GPR161: variants seen among roughly 807,000 people sequenced by gnomAD.
GPR161 encodes the protein G protein-coupled receptor 161.
Under a neutral mutation model 39.2 loss-of-function variants are expected in GPR161, and 25 were observed. That is an observed-to-expected ratio of 0.64 (90% CI 0.47 to 0.89). The LOEUF (loss-of-function observed/expected upper bound fraction) is 0.89. GPR161 is among the 40% of genes least tolerant of loss of function. The probability of loss-of-function intolerance (pLI) is 0.00; values close to 1 mark genes in which losing one functional copy is unlikely to be tolerated. For synonymous variants in GPR161, 286 were observed against 276.6 expected (o/e 1.03, Z -0.34); for missense variants, 547 against 677.8 (o/e 0.81, Z 2.14).
In GPR161 at chr1:168,085,759, T is replaced by C. The variant is rs2102089245; in HGVS notation, c.1362A>G (p.Glu454=). ...CGTAACTGTCCAAGGACTTGTGTAC[T>C]TCAGCTTTCACATGAAGAATCGAGT... is the stretch of plus-strand genomic sequence containing the variant. ...AKNSILHVKA[E]VHKSLDSYAA... is the part of the protein sequence containing the mutation. The change falls in exon 6 of 6, where the codon GAA becomes GAG. Residue 454 remains glutamate, a synonymous_variant. Coordinates refer to ENST00000682931, the MANE Select transcript of GPR161 (RefSeq NM_001375883.1). The C allele has an allele frequency of 6.2e-7, 1 of 1,613,820 alleles. No individual in the cohort carries two copies. Among genetic ancestry groups the C allele is most frequent in the East Asian group, 2.2e-5 (1 of 44,886 alleles).
chr1:168,137,240 C>T (rs1284561892), upstream of GPR161: 2 of 1,475,406 alleles, frequency 1.4e-6, no homozygotes, highest in South Asian at 1.4e-5. Context: ...CCCGTTCCTC[C>T]GCCCCAGTTC....
intron 1 of GPR161, chr1:168,135,058 T>C: frequency 6.7e-7 from 1 of 1,496,742 alleles, no homozygotes; most frequent in Non-Finnish European, 8.9e-7. Context: ...AGAGAACGGT[T>C]CGGATATCGT....
At chr1:168,095,645 C>A (rs2102133867) in intron 3 of GPR161, among the ~76,000 whole-genome samples, 1 of 152,206 alleles carries the variant, frequency 6.6e-6, no homozygotes, top group African/African-American at 2.4e-5. Context: ...TTGGCATGGA[C>A]ACCCCCGGAT....
At position 168,119,238 on chromosome 1, in the gene GPR161, A is replaced by ATG. The variant is rs1558129787; in HGVS notation, c.-44-14345_-44-14344insCA. ...TACATATATATATACGTATATATAT[A>ATG]TATACACATATATATATACGTATAT... On this transcript the variant is annotated intron_variant, in intron 1 of 5. Transcript: ENST00000682931. 4.3e-3 allele frequency among the ~76,000 whole-genome samples: 538 copies of ATG among 123,846 alleles called. 52 individuals are homozygous for ATG. The highest frequency in any genetic ancestry group is 0.016 in the African/African-American group (471 of 29,054). 81.2% of individuals were successfully genotyped at this position (123,846 alleles called of 152,430 possible).
rs1046662214 is a variant in GPR161, at chr1:168,122,614, T to C, written c.-45+14125A>G. The stretch of plus-strand genomic sequence containing the variant: ...CCAATCTCTTAATAAAAATTACCTT[T>C]GATTCTTTCTACTCCAACGCACTAG... On this transcript the variant is annotated intron_variant, in intron 1 of 5. Coordinates refer to ENST00000682931, the MANE Select transcript of GPR161 (RefSeq NM_001375883.1). Among the ~76,000 whole-genome samples, 5 of 152,306 alleles carry C rather than the reference T, an allele frequency of 3.3e-5. No homozygotes were observed. In the South Asian group the frequency reaches 8.3e-4, roughly 25 times the overall value.
At chr1:168,120,671 G>C (rs1344217787) in intron 1 of GPR161, among the ~76,000 whole-genome samples, 1 of 152,088 alleles carries the variant, frequency 6.6e-6, no homozygotes, top group East Asian at 1.9e-4. Flanking sequence ...GGACCTGGTG[G>C]GAGGCGATTG....
At position 168,104,802 on chromosome 1, in the gene GPR161, T is replaced by C. The variant is rs762212567; in HGVS notation, c.49A>G (p.Thr17Ala). Residue 17 changes from threonine (T) to alanine (A), a missense_variant, in exon 2 of 6, where the codon ACT becomes GCT. Physicochemically the swap from Thr to Ala is moderately conservative, Grantham distance 58. Coordinates refer to ENST00000682931, the MANE Select transcript of GPR161 (RefSeq NM_001375883.1). ...CCCCCTTCGCCACCCTCCTCCTCAG[T>C]GAGATTACTCAGCTCCTTCCTGCAG... is the stretch of plus-strand genomic sequence containing the variant. ...LSCRKELSNL[T>A]EEEGGEGGVI... The C allele has an allele frequency of 6.2e-7, 1 of 1,613,084 alleles. No homozygotes were observed. Among genetic ancestry groups the C allele is most frequent in the Non-Finnish European group, 8.5e-7 (1 of 1,179,250 alleles).
At chr1:168,122,154 C>A (rs1698226566) in intron 1 of GPR161, among the ~76,000 whole-genome samples, 1 of 152,032 alleles carries the variant, frequency 6.6e-6, no homozygotes. Flanking sequence ...ACCTCTCAAG[C>A]TGCTCTTCCT....
chr1:168,092,166 G>A (rs1284412106), intron 3 of GPR161, among the ~76,000 whole-genome samples: 2 of 152,178 alleles, frequency 1.3e-5, no homozygotes, highest in Non-Finnish European at 2.9e-5. Flanking sequence ...GGACCAGAAA[G>A]GCCCCAATCC....
At chr1:168,112,554 G>A (rs2102203156) in intron 1 of GPR161, among the ~76,000 whole-genome samples, 2 of 149,726 alleles carry the variant, frequency 1.3e-5, no homozygotes, top group South Asian at 4.3e-4. Context: ...ATCTAAGTAG[G>A]AACAATAAAA....
chr1:168,090,931 G>A (rs1695001669), intron 3 of GPR161, among the ~76,000 whole-genome samples: 1 of 152,220 alleles, frequency 6.6e-6, no homozygotes. Flanking sequence ...GATGACAGAG[G>A]GCCAGGGAGC....
At chr1:168,095,347 C>T (rs887757376) in intron 3 of GPR161, among the ~76,000 whole-genome samples, 4 of 152,194 alleles carry the variant, frequency 2.6e-5, no homozygotes, top group Non-Finnish European at 5.9e-5. Context: ...AATGGCACTG[C>T]CCCAGTGTTA....
At chr1:168,124,722 C>A (rs555880308) in intron 1 of GPR161, among the ~76,000 whole-genome samples, 2 of 152,188 alleles carry the variant, frequency 1.3e-5, no homozygotes, top group African/African-American at 2.4e-5. Flanking sequence ...GAAATGTGAT[C>A]TCCAGTGTCA....
chr1:168,087,376 G>T (rs545427344), intron 5 of GPR161, among the ~76,000 whole-genome samples: 144 of 152,072 alleles, frequency 9.5e-4, no homozygotes, highest in Middle Eastern at 3.4e-3. Context: ...GACAGCCATT[G>T]TTTGCCCAGC....
chr1:168,087,828 C>G, intron 4 of GPR161, 124 bp from the exon 5 acceptor site: 1 of 964,672 alleles, frequency 1.0e-6, no homozygotes, highest in Non-Finnish European at 1.5e-6. Flanking sequence ...TCAAGTGGAG[C>G]TGACTGCGCC....
intron 1 of GPR161, chr1:168,134,997 A>ACT: frequency 6.5e-7 from 1 of 1,535,200 alleles, no homozygotes; most frequent in Non-Finnish European, 8.7e-7. Context: ...CTGACCACAC[A>ACT]GTGCTCCTTC....
rs376463579 is a variant in GPR161 at position 168,085,781 on chromosome 1, G to A, written c.1340C>T (p.Ser447Leu). 27 of 1,611,788 alleles carry A rather than the reference G, an allele frequency of 1.7e-5. No individual in the cohort carries two copies. The highest frequency in any genetic ancestry group is 6.6e-5 in the South Asian group (6 of 91,042). Residue 447 changes from serine (S) to leucine (L), a missense_variant, in exon 6 of 6, where the codon TCG (serine) becomes TTG (leucine). Ser to Leu is a moderately radical substitution (Grantham distance 145, BLOSUM62 -2). Transcript: ENST00000682931. The stretch of plus-strand genomic sequence containing the variant: ...TACTTCAGCTTTCACATGAAGAATC[G>A]AGTTCTTGGCAGCTTCTGAGGGAGA... Reference protein sequence around the residue: ...VEQIKEAAKNSILHVKAEVHK... With the variant: ...VEQIKEAAKNLILHVKAEVHK...
intron 1 of GPR161, chr1:168,135,117 G>A (rs1558147236): frequency 7.0e-7 from 1 of 1,428,102 alleles, no homozygotes; most frequent in East Asian, 2.6e-5. Context: ...CTTAATGAGG[G>A]GTCTCTATTC....
chr1:168,120,411 C>T lies in GPR161; in HGVS notation c.-44-15517G>A, dbSNP rs191557384. On this transcript the variant is annotated intron_variant, in intron 1 of 5. Transcript: ENST00000682931. ...CCCATTGTATTTTGGAAGTAACTAA[C>T]TTGCTTTTGATTTTACAGGCTCATA... Among the ~76,000 whole-genome samples the T allele has an allele frequency of 1.1e-4, 16 of 152,306 alleles. 1 individual carries two copies. The East Asian group carries it at 3.1e-3, about 29-fold the overall frequency.
Sources: gnomAD v4.1 joint callset for allele counts (sites outside exome capture counted in the v4.1 genomes callset) on GRCh38, gnomAD v4.1.1 for gene constraint, MANE v1.5 for transcripts, NCBI Gene and HGNC (gene_info 2026-07-23, HGNC 2026-07-21) for gene names.